Variants in TRAPPC9 observed in about 807,000 individuals in gnomAD.
TRAPPC9 encodes trafficking protein particle complex subunit 9.
A neutral mutation model predicts 124.0 loss-of-function variants in TRAPPC9; 83 were observed. The ratio of observed to expected loss-of-function variants is 0.67; its 90% confidence interval spans 0.56 to 0.80. The LOEUF (loss-of-function observed/expected upper bound fraction) is 0.80. Among genes scored for constraint, TRAPPC9 ranks in the 30% least tolerant of loss-of-function variants. The pLI is 0.00. For synonymous variants in TRAPPC9, 638 were observed against 617.5 expected, an observed-to-expected ratio of 1.03 and a Z score of -0.49; for missense variants, 1,302 against 1,508.3, an observed-to-expected ratio of 0.86 and a Z score of 2.27.
intron 17 of TRAPPC9, among the ~76,000 whole-genome samples, chr8:140,155,368 G>C (rs1587821952): frequency 6.6e-6 from 1 of 152,296 alleles, no homozygotes; most frequent in Middle Eastern, 3.4e-3. Context: ...AAAAGCGTGT[G>C]CTCCCACCAC....
chr8:139,877,716 G>A (rs1220205070), intron 21 of TRAPPC9, among the ~76,000 whole-genome samples: 1 of 152,190 alleles, frequency 6.6e-6, no homozygotes, highest in Non-Finnish European at 1.5e-5. Flanking sequence ...GTGAGCCTGA[G>A]GAACATGCTC....
chr8:139,865,265 T>C (rs577003930), intron 21 of TRAPPC9, among the ~76,000 whole-genome samples: 7 of 152,330 alleles, frequency 4.6e-5, no homozygotes, highest in South Asian at 4.1e-4. Flanking sequence ...CCCATGTCCA[T>C]GCGTTCTGGT....
intron 17 of TRAPPC9, among the ~76,000 whole-genome samples, chr8:140,052,369 G>T (rs571579577): frequency 2.0e-5 from 3 of 152,330 alleles, no homozygotes; most frequent in African/African-American, 7.2e-5. Flanking sequence ...GGGCATGAGG[G>T]CTCATGCCTA....
intron 21 of TRAPPC9, among the ~76,000 whole-genome samples, chr8:139,756,528 G>T (rs1291343474): frequency 1.4e-4 from 19 of 137,830 alleles, no homozygotes; most frequent in South Asian, 2.4e-4. Flanking sequence ...GAGGACAGCA[G>T]GTCGCAGGAG....
chr8:139,773,482 C>T (rs1377812892), intron 21 of TRAPPC9, among the ~76,000 whole-genome samples: 1 of 152,176 alleles, frequency 6.6e-6, no homozygotes, highest in Non-Finnish European at 1.5e-5. Context: ...GAAATGGAGG[C>T]GATGATGGGG....
chr8:140,425,208 C>G (rs749860734), intron 5 of TRAPPC9, among the ~76,000 whole-genome samples: 1 of 152,228 alleles, frequency 6.6e-6, no homozygotes, highest in Non-Finnish European at 1.5e-5. Flanking sequence ...TTAGCAGGAA[C>G]TGGCGTGGCC....
intron 11 of TRAPPC9, among the ~76,000 whole-genome samples, chr8:140,291,908 G>A (rs894393035): frequency 2.0e-5 from 3 of 152,318 alleles, no homozygotes; most frequent in Non-Finnish European, 4.4e-5. Flanking sequence ...AATGAAGAAC[G>A]GCCTGAGGAG....
chr8:139,751,550 G>A (rs1416560751), intron 21 of TRAPPC9, among the ~76,000 whole-genome samples: 5 of 152,122 alleles, frequency 3.3e-5, no homozygotes, highest in Non-Finnish European at 7.4e-5. Flanking sequence ...AGCTTGGTGA[G>A]GTTCTTAGTT....
chr8:139,756,490 G>A (rs188282362), intron 21 of TRAPPC9, among the ~76,000 whole-genome samples: 8 of 126,986 alleles, frequency 6.3e-5, no homozygotes, highest in Non-Finnish European at 8.5e-5. Context: ...AGGACAGCAG[G>A]TCACAGGAGG....
rs775764243 is a variant in TRAPPC9 at position 140,275,653 on chromosome 8, C to T, written c.2278+5G>A. 8 of 1,613,840 alleles carry T rather than the reference C, an allele frequency of 5.0e-6. No homozygotes were observed. In the South Asian group the frequency reaches 5.5e-5, roughly 11 times the overall value. Reference sequence around the variant, plus strand: ...CCCAGGGTCAAAGCTGCTTACAATACCTACCTTTAGTGGTGAGAACTTTCG... The same window carrying T: ...CCCAGGGTCAAAGCTGCTTACAATATCTACCTTTAGTGGTGAGAACTTTCG... On this transcript the variant is annotated splice_donor_5th_base_variant and intron_variant, in intron 15 of 22. Transcript: ENST00000438773.
At chr8:140,322,925 G>A (rs911307894) in intron 9 of TRAPPC9, among the ~76,000 whole-genome samples, 4 of 152,182 alleles carry the variant, frequency 2.6e-5, no homozygotes, top group Non-Finnish European at 4.4e-5. Context: ...TACCTTGCCT[G>A]GCATACAACT....
At chr8:140,305,600 C>T (rs1389917715) in intron 10 of TRAPPC9, among the ~76,000 whole-genome samples, 1 of 152,114 alleles carries the variant, frequency 6.6e-6, no homozygotes, top group Non-Finnish European at 1.5e-5. Flanking sequence ...CCGTGCCAGA[C>T]CCAGGAATTT....
At chr8:140,121,601 C>T (rs1399364273) in intron 17 of TRAPPC9, among the ~76,000 whole-genome samples, 2 of 152,152 alleles carry the variant, frequency 1.3e-5, no homozygotes, top group Non-Finnish European at 2.9e-5. Flanking sequence ...AGAGAGATGA[C>T]CTAGATTTTC....
intron 7 of TRAPPC9, among the ~76,000 whole-genome samples, chr8:140,382,946 G>A (rs1039546748): frequency 2.0e-5 from 3 of 152,218 alleles, no homozygotes; most frequent in Non-Finnish European, 2.9e-5. Context: ...ACATGGCCGG[G>A]TAGCCCTCTA....
At chr8:140,025,071 TG>T (rs1840060673) in intron 17 of TRAPPC9, among the ~76,000 whole-genome samples, 1 of 152,062 alleles carries the variant, frequency 6.6e-6, no homozygotes. Context: ...ACCCCACCCA[TG>T]GGGGTGGCGC....
At chr8:140,293,486 C>T (rs541348401) in intron 11 of TRAPPC9, among the ~76,000 whole-genome samples, 4 of 152,270 alleles carry the variant, frequency 2.6e-5, no homozygotes, top group Admixed American at 6.5e-5. Context: ...CAATGATAGA[C>T]TGGATTAAGG....
intron 5 of TRAPPC9, among the ~76,000 whole-genome samples, chr8:140,426,348 G>T (rs555027478): frequency 1.3e-5 from 2 of 152,300 alleles, no homozygotes; most frequent in African/African-American, 4.8e-5. Flanking sequence ...TGCATTCAAA[G>T]AATTAAAGGC....
At chr8:139,849,895 A>T (rs2130925205) in intron 21 of TRAPPC9, among the ~76,000 whole-genome samples, 1 of 152,282 alleles carries the variant, frequency 6.6e-6, no homozygotes, top group Non-Finnish European at 1.5e-5. Flanking sequence ...TTCCGACCTG[A>T]AGGAGGCCCT....
chr8:139,755,188 C>T (rs147286054), intron 21 of TRAPPC9, among the ~76,000 whole-genome samples: 3 of 152,342 alleles, frequency 2.0e-5, no homozygotes, highest in East Asian at 3.9e-4. Flanking sequence ...TCCAGGTCCT[C>T]GGATAACTTG....
Sources: allele counts gnomAD v4.1 joint callset (sites outside exome capture counted in the v4.1 genomes callset), GRCh38; gene constraint gnomAD v4.1.1; transcripts MANE v1.5; gene names NCBI Gene and HGNC (gene_info 2026-07-23, HGNC 2026-07-21).